The following ESRRG variants were observed in gnomAD, a reference collection of about 807,000 sequenced individuals.
ESRRG encodes the protein estrogen related receptor gamma, also known as estrogen-related receptor gamma.
ESRRG carries 13 observed loss-of-function variants against 44.0 expected under a neutral mutation model. The ratio of observed to expected loss-of-function variants is 0.30; its 90% CI spans 0.19 to 0.47. The LOEUF (loss-of-function observed/expected upper bound fraction) is 0.47, where lower values mean the gene tolerates loss of function less well. Among genes scored for constraint, ESRRG ranks in the 20% least tolerant of loss-of-function variants. ESRRG has a pLI of 1.00. For missense variants in ESRRG, 395 were observed against 580.6 expected (o/e 0.68, Z 3.29); for synonymous variants, 215 against 214.6 (o/e 1.00, Z -0.02).
At chr1:217,077,678 CAG>C (rs2091433212) in intron 1 of ESRRG, among the ~76,000 whole-genome samples, 1 of 152,174 alleles carries the variant, frequency 6.6e-6, no homozygotes, top group Admixed American at 6.5e-5. Context: ...GACAAAACCT[CAG>C]TGGAATGCTC....
intron 1 of ESRRG, among the ~76,000 whole-genome samples, chr1:217,054,346 A>G (rs565298870): frequency 6.6e-6 from 1 of 152,298 alleles, no homozygotes; most frequent in East Asian, 1.9e-4. Flanking sequence ...TAAGAGGCAC[A>G]TTTTATTTGC....
chr1:216,740,356 T>G (rs2090511878), intron 2 of ESRRG, among the ~76,000 whole-genome samples: 1 of 152,106 alleles, frequency 6.6e-6, no homozygotes, highest in Non-Finnish European at 1.5e-5. Context: ...ACAGACACAT[T>G]TTCCTTTCAA....
At chr1:216,846,314 C>T (rs1484850626) in intron 2 of ESRRG, among the ~76,000 whole-genome samples, 6 of 151,982 alleles carry the variant, frequency 3.9e-5, no homozygotes, top group African/African-American at 1.2e-4. Flanking sequence ...TTAACAATGC[C>T]CTATAAGAAA....
intron 2 of ESRRG, among the ~76,000 whole-genome samples, chr1:216,925,019 C>T (rs2062344985): frequency 1.3e-5 from 2 of 152,112 alleles, no homozygotes; most frequent in African/African-American, 4.8e-5. Flanking sequence ...TTTCCAGGTC[C>T]TTGAAACAGG....
intron 1 of ESRRG, among the ~76,000 whole-genome samples, chr1:217,122,892 T>G (rs1226493265): frequency 2.0e-5 from 3 of 151,830 alleles, no homozygotes; most frequent in Non-Finnish European, 2.9e-5. Context: ...TCCATGTTGG[T>G]CAGGCTGGTC....
intron 2 of ESRRG, among the ~76,000 whole-genome samples, chr1:216,893,954 A>G (rs879404393): frequency 1.3e-5 from 2 of 152,188 alleles, no homozygotes; most frequent in Non-Finnish European, 2.9e-5. Flanking sequence ...CAGTTAAAAG[A>G]GATGATATGA....
intron 1 of ESRRG, among the ~76,000 whole-genome samples, chr1:216,682,610 G>C (rs2077209192): frequency 6.6e-6 from 1 of 151,908 alleles, no homozygotes; most frequent in Admixed American, 6.6e-5. Flanking sequence ...AAACAAAAAT[G>C]AATCTATGGG....
At chr1:216,715,208 A>T (rs1575665203) in intron 1 of ESRRG, 2 of 985,406 alleles carry the variant, frequency 2.0e-6, no homozygotes, top group Non-Finnish European at 2.4e-6. Context: ...TCCATCTGTG[A>T]CACTATGATC....
In ESRRG at chr1:216,651,656, G is replaced by C. The variant is rs115231440; in HGVS notation, c.473-567C>G. ...CCAGAGCCTTACAACACAATTCTGTGCTTGGTAAATGCTTACTGATCATGG... is the reference window on the plus strand; with the variant it reads ...CCAGAGCCTTACAACACAATTCTGTCCTTGGTAAATGCTTACTGATCATGG... On this transcript the variant is annotated intron_variant, in intron 2 of 6. Coordinates refer to ENST00000408911, the MANE Select transcript of ESRRG (RefSeq NM_001438.4). 8.2e-3 allele frequency among the ~76,000 whole-genome samples: 1,248 copies of C among 152,236 alleles called. 18 individuals are homozygous for C. The highest frequency in any genetic ancestry group is 0.028 in the African/African-American group (1,179 of 41,556).
intron 3 of ESRRG, among the ~76,000 whole-genome samples, chr1:216,631,482 A>G (rs2064169360): frequency 6.6e-6 from 1 of 152,212 alleles, no homozygotes; most frequent in South Asian, 2.1e-4. Context: ...TTGTCAAGGG[A>G]AAAATAATTA....
intron 2 of ESRRG, among the ~76,000 whole-genome samples, chr1:216,833,838 TAAAA>T (rs2095522900): frequency 6.6e-6 from 1 of 152,162 alleles, no homozygotes; most frequent in African/African-American, 2.4e-5. Context: ...CAAGTGGCAG[TAAAA>T]TGCTACGGAT....
At chr1:217,075,915 T>A (rs576418180) in intron 1 of ESRRG, among the ~76,000 whole-genome samples, 1 of 152,216 alleles carries the variant, frequency 6.6e-6, no homozygotes, top group Non-Finnish European at 1.5e-5. Flanking sequence ...TGCTTTTTCA[T>A]GTGCTGATTG....
intron 2 of ESRRG, among the ~76,000 whole-genome samples, chr1:216,876,227 C>A (rs991428403): frequency 6.6e-6 from 1 of 152,010 alleles, no homozygotes; most frequent in Non-Finnish European, 1.5e-5. Context: ...AGTGCTCCAA[C>A]CTTTAATTAA....
intron 3 of ESRRG, among the ~76,000 whole-genome samples, chr1:216,610,230 A>G (rs1343906896): frequency 7.0e-6 from 1 of 143,860 alleles, no homozygotes; most frequent in Admixed American, 7.1e-5. Flanking sequence ...TTTTTGCTCC[A>G]GTTCCAAAAT....
At chr1:217,054,180 C>T in intron 1 of ESRRG, among the ~76,000 whole-genome samples, 1 of 152,130 alleles carries the variant, frequency 6.6e-6, no homozygotes, top group Non-Finnish European at 1.5e-5. Flanking sequence ...TTGCACTTAG[C>T]CATTTCAGTT....
chr1:216,575,282 G>A (rs2149719370), intron 3 of ESRRG, among the ~76,000 whole-genome samples: 1 of 152,144 alleles, frequency 6.6e-6, no homozygotes, highest in South Asian at 2.1e-4. Flanking sequence ...AAACCAAACA[G>A]TAGATATTTT....
intron 2 of ESRRG, among the ~76,000 whole-genome samples, chr1:216,807,102 A>G (rs964191951): frequency 6.6e-6 from 1 of 152,194 alleles, no homozygotes; most frequent in South Asian, 2.1e-4. Flanking sequence ...ACAATTAACA[A>G]TCAAGTCCAT....
intron 2 of ESRRG, among the ~76,000 whole-genome samples, chr1:216,775,605 A>C (rs2093582365): frequency 1.7e-5 from 2 of 116,222 alleles, no homozygotes; most frequent in Admixed American, 1.2e-4. Context: ...ACAGCGTCTC[A>C]CGCTGTCGCA....
chr1:216,540,787 G>A (rs2052461137), intron 5 of ESRRG, among the ~76,000 whole-genome samples: 1 of 151,954 alleles, frequency 6.6e-6, no homozygotes, highest in South Asian at 2.1e-4. Context: ...TTATTGTGGT[G>A]CTTTTACTAA....
Sources: allele counts gnomAD v4.1 joint callset (sites outside exome capture counted in the v4.1 genomes callset), GRCh38; gene constraint gnomAD v4.1.1; transcripts MANE v1.5; gene names NCBI Gene and HGNC (gene_info 2026-07-23, HGNC 2026-07-21).